Variants in PTPRJ observed in about 807,000 individuals in gnomAD.
PTPRJ encodes receptor-type tyrosine-protein phosphatase eta.
PTPRJ carries 129 observed loss-of-function variants against 141.3 expected under a neutral mutation model. The observed-to-expected ratio is 0.91, with a 90% CI of 0.79 to 1.06. PTPRJ has a LOEUF of 1.06. PTPRJ is among the 50% of genes least tolerant of loss of function. PTPRJ has a pLI of 0.00. For missense variants in PTPRJ, 1,601 were observed against 1,679.7 expected (o/e 0.95, Z 0.82); for synonymous variants, 610 against 640.5 (o/e 0.95, Z 0.72).
At chr11:48,066,350 A>C (rs1009406876) in intron 1 of PTPRJ, among the ~76,000 whole-genome samples, 3 of 152,102 alleles carry the variant, frequency 2.0e-5, no homozygotes, top group African/African-American at 7.2e-5. Context: ...TATTTTATAC[A>C]TTAAGTATCA....
intron 1 of PTPRJ, among the ~76,000 whole-genome samples, chr11:48,045,466 A>G (rs1026683923): frequency 1.2e-4 from 18 of 152,194 alleles, no homozygotes; most frequent in African/African-American, 4.3e-4. Flanking sequence ...AGAATGTCTC[A>G]ATTCAGGATG....
intron 10 of PTPRJ, among the ~76,000 whole-genome samples, chr11:48,139,057 C>T (rs113253936): frequency 0.085 from 12,858 of 152,142 alleles, 722 homozygotes; most frequent in Non-Finnish European, 0.11. Flanking sequence ...TGTTTGAACC[C>T]GGGAGGTGGA....
At chr11:48,098,143 A>T (rs540260893) in intron 1 of PTPRJ, among the ~76,000 whole-genome samples, 1 of 152,148 alleles carries the variant, frequency 6.6e-6, no homozygotes, top group Non-Finnish European at 1.5e-5. Flanking sequence ...GTGTCCGCGC[A>T]TGCCTATTCA....
At chr11:48,103,261 C>G (rs1565304209) in intron 1 of PTPRJ, among the ~76,000 whole-genome samples, 1 of 152,062 alleles carries the variant, frequency 6.6e-6, no homozygotes, top group Non-Finnish European at 1.5e-5. Context: ...GAGTTTGAGA[C>G]CAGCCAGGGA....
intron 1 of PTPRJ, among the ~76,000 whole-genome samples, chr11:48,009,937 G>A (rs1024769716): frequency 6.6e-6 from 1 of 152,234 alleles, no homozygotes; most frequent in Non-Finnish European, 1.5e-5. Flanking sequence ...CCCCATGCCT[G>A]TTGGATACTG....
chr11:48,141,184 A>C (rs1467834923), intron 11 of PTPRJ, among the ~76,000 whole-genome samples: 1 of 152,172 alleles, frequency 6.6e-6, no homozygotes, highest in African/African-American at 2.4e-5. Context: ...TTATTTTTTA[A>C]AAATATATAA....
intron 1 of PTPRJ, among the ~76,000 whole-genome samples, chr11:48,020,936 G>A (rs1014337197): frequency 2.0e-5 from 3 of 152,190 alleles, no homozygotes; most frequent in Non-Finnish European, 2.9e-5. Flanking sequence ...TTCTCAGATG[G>A]AGATAGAGAA....
At position 48,121,308 on chromosome 11, in the gene PTPRJ, TA is replaced by T. The variant is rs987669373; in HGVS notation, c.616+43del. ...CCAGGGATGATGACAAACCATTTCT[TA>T]TTATGGTGTATTCTAGGGCCTTGTC... On this transcript the variant is annotated intron_variant, in intron 4 of 24. Transcript: ENST00000418331. 3 of 1,595,690 alleles carry T rather than the reference TA, an allele frequency of 1.9e-6. No homozygotes were observed. The African/African-American group carries it at 4.0e-5, about 21-fold the overall frequency.
intron 21 of PTPRJ, among the ~76,000 whole-genome samples, chr11:48,159,530 A>C (rs1441163040): frequency 6.6e-6 from 1 of 152,240 alleles, no homozygotes; most frequent in African/African-American, 2.4e-5. Context: ...TCTGATTTTT[A>C]AAGAGAAAAT....
At chr11:48,083,154 G>C (rs181456914) in intron 1 of PTPRJ, among the ~76,000 whole-genome samples, 2 of 152,182 alleles carry the variant, frequency 1.3e-5, no homozygotes, top group South Asian at 2.1e-4. Flanking sequence ...GGCTGGGTGC[G>C]GTGGCTCACG....
intron 1 of PTPRJ, among the ~76,000 whole-genome samples, chr11:48,101,525 G>A (rs1306823593): frequency 6.6e-6 from 1 of 152,224 alleles, no homozygotes; most frequent in East Asian, 1.9e-4. Context: ...TGTAGACAGA[G>A]ACCCGATTAG....
intron 1 of PTPRJ, among the ~76,000 whole-genome samples, chr11:48,095,686 T>G (rs778752668): frequency 3.9e-5 from 6 of 151,928 alleles, no homozygotes; most frequent in Admixed American, 1.3e-4. Flanking sequence ...TTCAAGTGAT[T>G]TCTCCTGCCT....
chr11:48,064,361 A>G (rs1200150356), intron 1 of PTPRJ, among the ~76,000 whole-genome samples: 1 of 152,288 alleles, frequency 6.6e-6, no homozygotes, highest in Admixed American at 6.5e-5. Flanking sequence ...GAAAGTGAGA[A>G]GGGCTGGACC....
intron 1 of PTPRJ, among the ~76,000 whole-genome samples, chr11:48,070,500 C>CAAAAAAAAAAAAAAAAAAA (rs35904394): frequency 1.4e-5 from 1 of 73,238 alleles, no homozygotes; most frequent in Non-Finnish European, 2.9e-5. Context: ...ACTCTGTCTC[C>CAAAAAAAAAAAAAAAAAAA]AAAAAAAAAA....
chr11:48,047,143 T>G (rs1211558431), intron 1 of PTPRJ, among the ~76,000 whole-genome samples: 1 of 151,966 alleles, frequency 6.6e-6, no homozygotes, highest in African/African-American at 2.4e-5. Context: ...CTTGAACTCC[T>G]GACCTCAGGT....
intron 1 of PTPRJ, among the ~76,000 whole-genome samples, chr11:48,071,684 C>A (rs1182103129): frequency 6.8e-6 from 1 of 146,858 alleles, no homozygotes; most frequent in Non-Finnish European, 1.5e-5. Flanking sequence ...TCTTGGCTCA[C>A]TGCAACCTCC....
intron 1 of PTPRJ, among the ~76,000 whole-genome samples, chr11:48,092,205 G>A (rs570651455): frequency 7.5e-6 from 1 of 133,124 alleles, no homozygotes; most frequent in Admixed American, 8.8e-5. Context: ...TGAGGCAAAA[G>A]AATTGCTTGA....
At chr11:48,040,881 C>T (rs1303076382) in intron 1 of PTPRJ, among the ~76,000 whole-genome samples, 2 of 152,166 alleles carry the variant, frequency 1.3e-5, no homozygotes, top group African/African-American at 2.4e-5. Flanking sequence ...AGATTACAGG[C>T]GTGAGCCACC....
chr11:48,066,096 T>C (rs1855075293), intron 1 of PTPRJ, among the ~76,000 whole-genome samples: 1 of 152,152 alleles, frequency 6.6e-6, no homozygotes, highest in Non-Finnish European at 1.5e-5. Context: ...CAGTGAGCTC[T>C]ATAGTCATGC....
Sources: allele counts gnomAD v4.1 joint callset (sites outside exome capture counted in the v4.1 genomes callset), GRCh38; gene constraint gnomAD v4.1.1; transcripts MANE v1.5; gene names NCBI Gene and HGNC (gene_info 2026-07-23, HGNC 2026-07-21).